Variants in PLXNA4 observed in about 807,000 individuals in gnomAD.
The protein encoded by PLXNA4 is plexin A4, also known as plexin-A4.
PLXNA4 carries 44 observed loss-of-function variants against 191.8 expected under a neutral mutation model. The ratio of observed to expected loss-of-function variants is 0.23; its 90% CI spans 0.18 to 0.29. The LOEUF is 0.29. Ranked by LOEUF, PLXNA4 falls within the 10% of genes least tolerant of loss-of-function variation. The pLI is 1.00. For missense variants in PLXNA4, 1,800 were observed against 2,488.8 expected (o/e 0.72, Z 5.89); for synonymous variants, 1,082 against 1,009.5 (o/e 1.07, Z -1.36).
chr7:132,187,697 G>A, intron 14 of PLXNA4, 90 bp from the exon 15 acceptor site: 5 of 1,478,196 alleles, frequency 3.4e-6, no homozygotes, highest in Non-Finnish European at 4.5e-6. Context: ...ACTCCCCCAA[G>A]CTGCCTTCTG....
chr7:132,562,511 C>T (rs1423906643), intron 1 of PLXNA4, among the ~76,000 whole-genome samples: 1 of 129,852 alleles, frequency 7.7e-6, no homozygotes. Flanking sequence ...CCTCCTCCTT[C>T]TCCTCCTCTT....
chr7:132,590,130 C>T (rs1318763329), intron 2 of PLXNA4, among the ~76,000 whole-genome samples: 1 of 152,202 alleles, frequency 6.6e-6, no homozygotes, highest in Admixed American at 6.5e-5. Flanking sequence ...TCTATTGTAG[C>T]TCTGAAAAGA....
At chr7:132,596,430 A>G (rs1802711855) in intron 2 of PLXNA4, among the ~76,000 whole-genome samples, 1 of 152,238 alleles carries the variant, frequency 6.6e-6, no homozygotes, top group Non-Finnish European at 1.5e-5. Flanking sequence ...CCACAGCCCC[A>G]GGACGCTGGA....
rs191030710 is a variant in PLXNA4 at position 132,617,503 on chromosome 7, T to C, written c.-87+28425A>G. On this transcript the variant is annotated intron_variant, in intron 2 of 4. Transcript: ENST00000378539. ...CCTATGTCTTCCTAATGGTAAGGAG[T>C]TTGATTTCAGACCAAATACATAAAT... is the stretch of plus-strand genomic sequence containing the variant. 6.6e-5 allele frequency among the ~76,000 whole-genome samples: 10 copies of C among 152,296 alleles called. No individual in the cohort carries two copies. The East Asian group carries it at 1.9e-3, about 29-fold the overall frequency.
chr7:132,545,327 G>A (rs1322428887), intron 1 of PLXNA4, among the ~76,000 whole-genome samples: 1 of 152,198 alleles, frequency 6.6e-6, no homozygotes, highest in Admixed American at 6.5e-5. Flanking sequence ...GGAGAATGAG[G>A]TTGAACAAAA....
At chr7:132,517,783 GC>G (rs1563147341) in intron 1 of PLXNA4, among the ~76,000 whole-genome samples, 1 of 152,192 alleles carries the variant, frequency 6.6e-6, no homozygotes, top group African/African-American at 2.4e-5. Flanking sequence ...CAAGTTTGGG[GC>G]TCAGGGAGGT....
chr7:132,401,568 G>A (rs572391849), intron 3 of PLXNA4, among the ~76,000 whole-genome samples: 1 of 152,328 alleles, frequency 6.6e-6, no homozygotes, highest in East Asian at 1.9e-4. Context: ...AAGGTTAGAG[G>A]AAGTCCGGTA....
intron 4 of PLXNA4, chr7:132,271,017 A>G (rs545462397): frequency 1.4e-4 from 21 of 152,290 alleles, no homozygotes; most frequent in African/African-American, 3.6e-4. Context: ...AGGCCATATG[A>G]CTATCTAGTG....
intron 1 of PLXNA4, among the ~76,000 whole-genome samples, chr7:132,574,352 G>A (rs1324156389): frequency 6.6e-6 from 1 of 152,232 alleles, no homozygotes; most frequent in African/African-American, 2.4e-5. Context: ...CACTGTTGCT[G>A]GAGCTCATTA....
chr7:132,213,771 C>T (rs1797877031), intron 9 of PLXNA4, among the ~76,000 whole-genome samples: 1 of 152,120 alleles, frequency 6.6e-6, no homozygotes, highest in African/African-American at 2.4e-5. Context: ...GCTTTCCCTC[C>T]CCTGAAGCAG....
intron 2 of PLXNA4, among the ~76,000 whole-genome samples, chr7:132,616,992 C>T (rs1005977593): frequency 1.3e-5 from 2 of 152,198 alleles, no homozygotes; most frequent in African/African-American, 4.8e-5. Context: ...CTCTCATCTT[C>T]ACCACAAAGA....
At chr7:132,423,297 C>A (rs919958822) in intron 3 of PLXNA4, among the ~76,000 whole-genome samples, 1 of 152,322 alleles carries the variant, frequency 6.6e-6, no homozygotes, top group Admixed American at 6.5e-5. Context: ...TTTCATTTAA[C>A]TTTTCCCAAC....
intron 20 of PLXNA4, among the ~76,000 whole-genome samples, chr7:132,177,290 T>C (rs1584799227): frequency 6.6e-6 from 1 of 152,306 alleles, no homozygotes; most frequent in Non-Finnish European, 1.5e-5. Flanking sequence ...CGGGTATGTT[T>C]ATATATCAGA....
chr7:132,231,608 A>G (rs377002209), intron 5 of PLXNA4, among the ~76,000 whole-genome samples: 7 of 152,178 alleles, frequency 4.6e-5, no homozygotes, highest in African/African-American at 1.4e-4. Flanking sequence ...TTTTTTTGGT[A>G]GAGATGGGGT....
At chr7:132,270,136 A>G (rs1467022919) in intron 4 of PLXNA4, among the ~76,000 whole-genome samples, 1 of 152,198 alleles carries the variant, frequency 6.6e-6, no homozygotes, top group Non-Finnish European at 1.5e-5. Context: ...CCCTACCTAC[A>G]GTTTTATTTT....
intron 3 of PLXNA4, among the ~76,000 whole-genome samples, chr7:132,444,675 T>C (rs1795828122): frequency 6.6e-6 from 1 of 152,186 alleles, no homozygotes; most frequent in Admixed American, 6.5e-5. Context: ...AAGGTGTGTG[T>C]GTTGGTGTGG....
intron 1 of PLXNA4, among the ~76,000 whole-genome samples, chr7:132,534,009 G>A (rs1799732190): frequency 6.6e-6 from 1 of 152,082 alleles, no homozygotes; most frequent in Non-Finnish European, 1.5e-5. Context: ...GACATTCCTT[G>A]GTGGCTGAGT....
chr7:132,497,122 GCACA>G (rs34913954), intron 2 of PLXNA4, among the ~76,000 whole-genome samples: 10 of 150,284 alleles, frequency 6.7e-5, no homozygotes, highest in South Asian at 4.2e-4. Context: ...GTGCACGCAC[GCACA>G]CACACACACA....
chr7:132,528,722 G>A (rs1046013678), intron 1 of PLXNA4, among the ~76,000 whole-genome samples: 4 of 152,226 alleles, frequency 2.6e-5, no homozygotes, highest in Non-Finnish European at 5.9e-5. Context: ...CATGAGAGAG[G>A]CACCACTGAT....
Sources: allele counts gnomAD v4.1 joint callset (sites outside exome capture counted in the v4.1 genomes callset), GRCh38; gene constraint gnomAD v4.1.1; transcripts MANE v1.5; gene names NCBI Gene and HGNC (gene_info 2026-07-23, HGNC 2026-07-21).